APOB: variants seen among roughly 807,000 people sequenced by gnomAD.
APOB encodes the protein apolipoprotein B, also known as apolipoprotein B-100.
Under a neutral mutation model 314.1 loss-of-function variants are expected in APOB, and 153 were observed. That is an observed-to-expected ratio of 0.49 (90% CI 0.43 to 0.56). The LOEUF is 0.56. Among genes scored for constraint, APOB ranks in the 20% least tolerant of loss-of-function variants. The pLI is 0.00. For synonymous variants in APOB, 2,087 were observed against 2,036.4 expected, an observed-to-expected ratio of 1.02 and a Z score of -0.67; for missense variants, 5,430 against 5,350.7, an observed-to-expected ratio of 1.01 and a Z score of -0.46.
rs370598632 is a variant in APOB, at chr2:21,028,313, T to C, written c.1829+14A>G. The C allele has an allele frequency of 7.5e-6, 12 of 1,604,792 alleles. No individual in the cohort carries two copies. The highest frequency in any genetic ancestry group is 1.3e-5 in the African/African-American group (1 of 74,734). On this transcript the variant is annotated intron_variant, in intron 13 of 28. Transcript: ENST00000233242. ...GGCCCTCAGTGGTATATGGGGTGAA[T>C]AGCTCTTACTTACTCTTGGATATCC...
rs1663180583 is a variant in APOB at position 21,007,576 on chromosome 2, A to G, written c.9292T>C (p.Tyr3098His). 3 of 1,613,938 alleles carry G rather than the reference A, an allele frequency of 1.9e-6. No individual in the cohort carries two copies. Among genetic ancestry groups the G allele is most frequent in the African/African-American group, 1.3e-5 (1 of 74,912 alleles). The change falls in exon 26 of 29, where the codon TAC becomes CAC. Residue 3098 changes from tyrosine to histidine, a missense_variant. By Grantham distance (83) the Tyr-to-His change is moderately conservative. Around this residue, in one of 3 missense-constraint regions of APOB, gnomAD observed 3,281 missense variants for 3,171.0 expected, o/e 1.03. Coordinates refer to ENST00000233242, the MANE Select transcript of APOB (RefSeq NM_000384.3). The stretch of plus-strand genomic sequence containing the variant: ...TTTCCAGCAGAGAAATTTTGGTTGT[A>G]CTTATACTGATTGAACCTAGCACTT... ...QVSARFNQYK[Y>H]NQNFSAGNNE... is the part of the protein sequence containing the mutation.
At chr2:21,017,208 A>T (rs1663500888) in intron 20 of APOB, among the ~76,000 whole-genome samples, 4 of 151,694 alleles carry the variant, frequency 2.6e-5, no homozygotes, top group Admixed American at 1.3e-4. Flanking sequence ...AGTTGTGTTC[A>T]TGTATGCAAG....
chr2:21,035,988 G>T (rs530871303), intron 6 of APOB, among the ~76,000 whole-genome samples: 2 of 152,090 alleles, frequency 1.3e-5, no homozygotes, highest in African/African-American at 4.8e-5. Context: ...TCACACACCT[G>T]CTCAGTAACT....
Position 21,016,629 on chromosome 2 carries a change from T to A in APOB, c.3142A>T (p.Thr1048Ser), listed in dbSNP as rs181570298. The A allele has an allele frequency of 1.4e-5, 22 of 1,608,632 alleles. No individual in the cohort carries two copies. Among genetic ancestry groups the A allele is most frequent in the Middle Eastern group, 3.3e-4 (2 of 6,052 alleles). ...TGCCGATTATATTTGAATGTCATGG[T>A]AGCCTCAGTCTGCTTCGCACCTGGA... The part of the protein sequence containing the change: ...QAEGAKQTEA[T>S]MTFKYNRQSM... The change falls in exon 21 of 29, where the codon ACC (threonine) becomes TCC (serine). Residue 1048 changes from threonine to serine, a missense_variant. Transcript: ENST00000233242.
At position 21,001,986 on chromosome 2, in the gene APOB, C is replaced by A; in HGVS notation, c.13436G>T (p.Ser4479Ile). 2 of 1,613,968 alleles carry A rather than the reference C, an allele frequency of 1.2e-6. No homozygotes were observed. Among genetic ancestry groups the A allele is most frequent in the South Asian group, 1.1e-5 (1 of 91,080 alleles). Residue 4479 changes from serine to isoleucine, a missense_variant, in exon 29 of 29, where the codon AGC (serine) becomes ATC (isoleucine). Coordinates refer to ENST00000233242, the MANE Select transcript of APOB (RefSeq NM_000384.3). The part of the protein sequence containing the change: ...LSATAQEIIK[S>I]QAIATKKIIS... ...TATTTTCTTCGTCGCAATGGCCTGGCTTTTAATTATTTCCTGAGCAGTGGC... is the reference window on the plus strand; with the variant it reads ...TATTTTCTTCGTCGCAATGGCCTGGATTTTAATTATTTCCTGAGCAGTGGC...
At chr2:21,017,005 AT>A (rs1283529051) in intron 20 of APOB, among the ~76,000 whole-genome samples, 2 of 137,442 alleles carry the variant, frequency 1.5e-5, no homozygotes, top group Non-Finnish European at 3.3e-5. Context: ...AAATAAATAA[AT>A]AAATAAATAA....
At position 21,012,140 on chromosome 2, in the gene APOB, C is replaced by T. The variant is rs145750937; in HGVS notation, c.4728G>A (p.Gly1576=). 23 of 1,602,536 alleles carry T rather than the reference C, an allele frequency of 1.4e-5. No individual in the cohort carries two copies. The African/African-American group carries it at 2.6e-4, about 18-fold the overall frequency. ...YELTLKSDTN[G]KYKNFATSNK... is the part of the protein sequence containing the mutation. ...TAGAAGTGGCAAAGTTCTTATACTT[C>T]CCATTGGTGTCAGATTTTAAAGTCA... The change falls in exon 26 of 29, where the codon GGG becomes GGA. Residue 1576 remains glycine, a synonymous_variant. Transcript: ENST00000233242.
At chr2:21,004,927 T>A (rs1164971325) in intron 26 of APOB, among the ~76,000 whole-genome samples, 153 bp downstream of exon 26, 1 of 152,246 alleles carries the variant, frequency 6.6e-6, no homozygotes, top group Non-Finnish European at 1.5e-5. Flanking sequence ...GTTTGGTTTT[T>A]ACGTGTAGGG....
chr2:21,043,233 A>G (rs1313097129), intron 2 of APOB, among the ~76,000 whole-genome samples: 1 of 152,036 alleles, frequency 6.6e-6, no homozygotes, highest in Non-Finnish European at 1.5e-5. Context: ...TAAACAGGAC[A>G]GTGATGTTTC....
intron 17 of APOB, 49 bp downstream of exon 17, chr2:21,023,476 C>T: frequency 1.2e-6 from 2 of 1,603,568 alleles, no homozygotes; most frequent in Non-Finnish European, 8.5e-7. Flanking sequence ...GAAATGCACC[C>T]TGGAAGAAAG....
intron 24 of APOB, among the ~76,000 whole-genome samples, chr2:21,013,975 C>CA (rs1663404592): frequency 6.6e-6 from 1 of 152,196 alleles, no homozygotes; most frequent in Non-Finnish European, 1.5e-5. Flanking sequence ...ATACTTGATA[C>CA]AAATTTGCTA....
Position 21,008,610 on chromosome 2 carries a change from G to A in APOB, c.8258C>T (p.Pro2753Leu), listed in dbSNP as rs765290152. The change falls in exon 26 of 29, where the codon CCT (proline) becomes CTT (leucine). Residue 2753 changes from proline to leucine, a missense_variant. Coordinates refer to ENST00000233242, the MANE Select transcript of APOB (RefSeq NM_000384.3). Reference sequence around the variant, plus strand: ...AATACTGTATAGCTTGCCAAAAGTAGGTACTTCAATTGTGTGTGAGATGTG... The same window carrying A: ...AATACTGTATAGCTTGCCAAAAGTAAGTACTTCAATTGTGTGTGAGATGTG... ...LPHISHTIEV[P>L]TFGKLYSILK... 3 of 1,613,950 alleles carry A rather than the reference G, an allele frequency of 1.9e-6. No homozygotes were observed. The highest frequency in any genetic ancestry group is 2.5e-6 in the Non-Finnish European group (3 of 1,179,988).
chr2:21,031,265 C>T (rs1028548801), intron 10 of APOB, among the ~76,000 whole-genome samples: 3 of 152,168 alleles, frequency 2.0e-5, no homozygotes, highest in East Asian at 1.9e-4. Flanking sequence ...AAATACTATT[C>T]GGCCATAAAA....
At chr2:21,027,734 T>C (rs1311501036) in intron 14 of APOB, 94 bp downstream of exon 14, 1 of 960,434 alleles carries the variant, frequency 1.0e-6, no homozygotes, top group Non-Finnish European at 1.7e-6. Flanking sequence ...TGGTGGTTCT[T>C]AGTTTTCCTC....
At chr2:21,043,178 T>C (rs764524162) in intron 2 of APOB, among the ~76,000 whole-genome samples, 17 of 151,752 alleles carry the variant, frequency 1.1e-4, no homozygotes, top group Non-Finnish European at 2.2e-4. Context: ...TTAAAGTCAG[T>C]ATTTCCTCAC....
intron 5 of APOB, 76 bp downstream of exon 5, chr2:21,037,882 G>C: frequency 1.3e-6 from 2 of 1,556,904 alleles, no homozygotes; most frequent in Non-Finnish European, 1.8e-6. Context: ...GATCTGCTTT[G>C]TATATGGTAG....
In APOB at chr2:21,002,383, A is replaced by G; in HGVS notation, c.13039T>C (p.Leu4347=). The G allele has an allele frequency of 6.2e-7, 1 of 1,601,282 alleles. No homozygotes were observed. The highest frequency in any genetic ancestry group is 8.5e-7 in the Non-Finnish European group (1 of 1,174,232). ...TTAAGGCATAGGTTTTCTTTCAACA[A>G]TTTAAAAACATATGGGATATAATCA... ...FSDYIPYVFK[L]LKENLCLNLH... is the part of the protein sequence containing the mutation. The change falls in exon 29 of 29, where the codon TTG becomes CTG. Residue 4347 remains leucine (L), a synonymous_variant. Coordinates refer to ENST00000233242, the MANE Select transcript of APOB (RefSeq NM_000384.3).
At chr2:21,018,920 A>T in intron 20 of APOB, 72 bp downstream of exon 20, 1 of 1,609,194 alleles carries the variant, frequency 6.2e-7, no homozygotes, top group Non-Finnish European at 8.5e-7. Flanking sequence ...GTTAAATTAC[A>T]TGTCTTCTCC....
chr2:21,043,042 G>A (rs1488072635), intron 2 of APOB, among the ~76,000 whole-genome samples: 2 of 147,774 alleles, frequency 1.4e-5, no homozygotes, highest in East Asian at 4.0e-4. Context: ...CTAGATGGCG[G>A]TGCTGCCCCA....
Sources: gnomAD v4.1 joint callset for allele counts (sites outside exome capture counted in the v4.1 genomes callset) on GRCh38, gnomAD v4.1.1 for gene constraint, gnomAD v4.1.1 regional missense constraint, MANE v1.5 for transcripts, NCBI Gene and HGNC (gene_info 2026-07-23, HGNC 2026-07-21) for gene names.